Variants in WDR55 observed in about 807,000 individuals in gnomAD.
WDR55 encodes WD repeat-containing protein 55.
Under a neutral mutation model 34.0 loss-of-function variants are expected in WDR55, and 31 were observed. The observed-to-expected ratio is 0.91, with a 90% CI of 0.69 to 1.23. The LOEUF (loss-of-function observed/expected upper bound fraction) is 1.23. Among genes scored for constraint, WDR55 ranks in the 50% most tolerant of loss-of-function variants. The pLI, the probability that WDR55 is intolerant of heterozygous loss-of-function variation, is 0.00. For synonymous variants in WDR55, 164 were observed against 185.9 expected (o/e 0.88, Z 0.96); for missense variants, 440 against 494.6 (o/e 0.89, Z 1.05).
intron 6 of WDR55, 27 bp from the exon 7 acceptor site, chr5:140,669,306 A>G: frequency 6.2e-7 from 1 of 1,611,944 alleles, no homozygotes. Context: ...GCTAGCCAGT[A>G]CTCAACACTG....
intron 1 of WDR55, 87 bp from the exon 2 acceptor site, chr5:140,668,147 G>T: frequency 7.0e-7 from 1 of 1,430,788 alleles, no homozygotes. Context: ...TAGGTAGGTG[G>T]GAAGGCTGCT....
At chr5:140,668,094 A>G in intron 1 of WDR55, 140 bp from the exon 2 acceptor site, 1 of 858,552 alleles carries the variant, frequency 1.2e-6, no homozygotes, top group Non-Finnish European at 1.7e-6. Context: ...GAGAAATGAG[A>G]TGGTAAACTT....
rs1428562499 is a variant in WDR55 at position 140,664,958 on chromosome 5, G to T, written c.46G>T (p.Glu16Ter). ...EERPAEDGSD[E>*]EDPDSMEAPT... ...GAGGCCCGCTGAGGATGGGAGCGACGAGGAGGACCCAGACTCCATGGAAGC... is the reference window on the plus strand; with the variant it reads ...GAGGCCCGCTGAGGATGGGAGCGACTAGGAGGACCCAGACTCCATGGAAGC... The change falls in exon 1 of 7, where the codon GAG becomes TAG. Residue 16 changes from glutamate (E) to a stop codon, truncating the protein, a stop_gained. Coordinates refer to ENST00000358337, the MANE Select transcript of WDR55 (RefSeq NM_017706.5). LOFTEE classifies it high-confidence loss of function. The T allele has an allele frequency of 1.9e-6, 3 of 1,612,610 alleles. No homozygotes were observed. The highest frequency in any genetic ancestry group is 1.7e-6 in the Non-Finnish European group (2 of 1,179,416).
chr5:140,671,791 G>C lies in WDR55; in HGVS notation c.*2137G>C. The C allele has an allele frequency of 6.5e-7, 1 of 1,550,364 alleles. No homozygotes were observed. Among genetic ancestry groups the C allele is most frequent in the African/African-American group, 1.4e-5 (1 of 73,262 alleles). On this transcript the variant is annotated 3_prime_UTR_variant, in exon 7 of 7. Coordinates refer to ENST00000358337, the MANE Select transcript of WDR55 (RefSeq NM_017706.5). ...AAAGACAAGGGCAGGTCTAAACCCT[G>C]GGCCCAAGCCTCCAGGTGGTGAGCC...
chr5:140,671,809 G>A lies in WDR55; in HGVS notation c.*2155G>A. 6.5e-7 allele frequency: 1 copy of A among 1,532,902 alleles called. No homozygotes were observed. The highest frequency in any genetic ancestry group is 8.8e-7 in the Non-Finnish European group (1 of 1,130,468). 95.0% of individuals were successfully genotyped at this position (1,532,902 alleles called of 1,614,324 possible). ...AAACCCTGGGCCCAAGCCTCCAGGT[G>A]GTGAGCCCTTTGGAGCTACACAGTC... On this transcript the variant is annotated 3_prime_UTR_variant, in exon 7 of 7. Coordinates refer to ENST00000358337, the MANE Select transcript of WDR55 (RefSeq NM_017706.5).
intron 1 of WDR55, chr5:140,666,748 A>T: frequency 3.0e-6 from 3 of 985,418 alleles, no homozygotes; most frequent in Non-Finnish European, 3.6e-6. Flanking sequence ...ATTATTGTGT[A>T]CATGTACACA....
Position 140,668,615 on chromosome 5 carries a change from C to T in WDR55, c.384C>T (p.Ala128=). The change falls in exon 4 of 7, where the codon GCC becomes GCT. Residue 128 remains alanine (A), a synonymous_variant. Transcript: ENST00000358337. ...LERRVSKAHG[A]PINSLLLVDE... ...AGTTCTACATCTGTGTCTCTAGTGC[C>T]CCCATCAATAGTCTTCTGCTGGTGG... 1 of 1,613,068 alleles carries T rather than the reference C, an allele frequency of 6.2e-7. No individual in the cohort carries two copies. Among genetic ancestry groups the T allele is most frequent in the Non-Finnish European group, 8.5e-7 (1 of 1,179,366 alleles).
intron 1 of WDR55, among the ~76,000 whole-genome samples, chr5:140,666,183 G>T (rs1481156641): frequency 2.0e-5 from 3 of 151,992 alleles, no homozygotes; most frequent in Non-Finnish European, 4.4e-5. Context: ...ATCACCTGAG[G>T]TCAGGAGTTG....
In WDR55 at chr5:140,664,907, C is replaced by T; in HGVS notation, c.-6C>T. 1 of 1,593,690 alleles carries T rather than the reference C, an allele frequency of 6.3e-7. No individual in the cohort carries two copies. The highest frequency in any genetic ancestry group is 8.5e-7 in the Non-Finnish European group (1 of 1,170,556). ...TGCGGCGGCGCGGCTCGCAGTCCTT[C>T]TCAGCATGGACCGCACTTGTGAGGA... On this transcript the variant is annotated 5_prime_UTR_variant, in exon 1 of 7. Transcript: ENST00000358337.
In WDR55 at chr5:140,671,478, C is replaced by A; in HGVS notation, c.*1824C>A. 1 of 1,604,416 alleles carries A rather than the reference C, an allele frequency of 6.2e-7. No homozygotes were observed. The highest frequency in any genetic ancestry group is 8.5e-7 in the Non-Finnish European group (1 of 1,176,848). On this transcript the variant is annotated 3_prime_UTR_variant, in exon 7 of 7. Transcript: ENST00000358337. ...AAGGGCACCGGATGCCCAGGAATCA[C>A]CACCTGGTACCAGAAGCGGTGCCAG...
chr5:140,666,979 C>T, intron 1 of WDR55: 4 of 985,382 alleles, frequency 4.1e-6, no homozygotes, highest in Non-Finnish European at 4.8e-6. Context: ...TGAATTTAAA[C>T]CTCAACCCCT....
intron 1 of WDR55, among the ~76,000 whole-genome samples, chr5:140,666,327 T>G (rs1004092548): frequency 3.3e-5 from 5 of 151,794 alleles, no homozygotes; most frequent in African/African-American, 1.2e-4. Context: ...ACCTGGGAGG[T>G]GGAGGTGGCA....
At chr5:140,666,918 G>T (rs1315706066) in intron 1 of WDR55, 1 of 985,286 alleles carries the variant, frequency 1.0e-6, no homozygotes, top group Non-Finnish European at 1.2e-6. Flanking sequence ...AAAGATACAG[G>T]TTAGAGGCAG....
In WDR55 at chr5:140,671,921, G is replaced by A. The variant is rs1758086412; in HGVS notation, c.*2267G>A. On this transcript the variant is annotated 3_prime_UTR_variant, in exon 7 of 7. Coordinates refer to ENST00000358337, the MANE Select transcript of WDR55 (RefSeq NM_017706.5). ...GCCTTCAGCCTCCATTATTTGCAAA[G>A]GGAGTATAACACACTGCTACCTTAC... 1 of 753,562 alleles carries A rather than the reference G, an allele frequency of 1.3e-6. No homozygotes were observed. Among genetic ancestry groups the A allele is most frequent in the Non-Finnish European group, 2.2e-6 (1 of 450,300 alleles). The allele number at this position is 753,562 out of a possible 1,614,324, so 46.7% of individuals were successfully genotyped here.
At position 140,665,000 on chromosome 5, in the gene WDR55, G is replaced by A; in HGVS notation, c.88G>A (p.Asp30Asn). ...DSMEAPTRIR[D>N]TPEDIVLEAP... ...CATGGAAGCCCCAACCCGGATCCGG[G>A]ACACTCCGGAAGACATCGTGCTGGA... The change falls in exon 1 of 7, where the codon GAC becomes AAC. Residue 30 changes from aspartate (D) to asparagine (N), a missense_variant. By Grantham distance (23) the Asp-to-Asn change is conservative. Transcript: ENST00000358337. 1.2e-6 allele frequency: 2 copies of A among 1,613,988 alleles called. No homozygotes were observed. The highest frequency in any genetic ancestry group is 1.7e-6 in the Non-Finnish European group (2 of 1,179,952).
At position 140,669,918 on chromosome 5, in the gene WDR55, G is replaced by T. The variant is rs113583260; in HGVS notation, c.*264G>T. The T allele has an allele frequency of 2.0e-3, 736 of 374,224 alleles. 2 individuals carry two copies. The highest frequency in any genetic ancestry group is 4.4e-3 in the Middle Eastern group (6 of 1,356). 23.2% of individuals were successfully genotyped at this position (374,224 alleles called of 1,614,324 possible). A position where few individuals can be genotyped will look rare whatever the true frequency, so the allele number is the denominator to read the frequency against. On this transcript the variant is annotated 3_prime_UTR_variant, in exon 7 of 7. Transcript: ENST00000358337. ...CAATTTTTGTTTTTTTTTTTTGGTA[G>T]AAACGGGTCTGTTTTGCCCAGGCTG...
chr5:140,668,068 A>G, intron 1 of WDR55, 166 bp from the exon 2 acceptor site: 1 of 704,354 alleles, frequency 1.4e-6, no homozygotes, highest in Non-Finnish European at 2.2e-6. Context: ...CTAACATTTC[A>G]AACTCACTGA....
intron 1 of WDR55, 126 bp downstream of exon 1, chr5:140,665,229 C>A: frequency 1.3e-6 from 1 of 776,228 alleles, no homozygotes; most frequent in South Asian, 1.9e-5. Context: ...CCAATTTATT[C>A]AGTAACATTC....
chr5:140,672,317 C>T lies in WDR55; in HGVS notation c.*2663C>T. On this transcript the variant is annotated 3_prime_UTR_variant, in exon 7 of 7. Coordinates refer to ENST00000358337, the MANE Select transcript of WDR55 (RefSeq NM_017706.5). Reference sequence around the variant, plus strand: ...ATTGGAAGTTTTAAAAATCTGAGATCAAATAGTAAAAGGTTGCAAATTCTG... The same window carrying T: ...ATTGGAAGTTTTAAAAATCTGAGATTAAATAGTAAAAGGTTGCAAATTCTG... 1 of 1,028,860 alleles carries T rather than the reference C, an allele frequency of 9.7e-7. No individual in the cohort carries two copies. The highest frequency in any genetic ancestry group is 1.4e-6 in the Non-Finnish European group (1 of 709,780). 63.7% of individuals were successfully genotyped at this position (1,028,860 alleles called of 1,614,324 possible). A position where few individuals can be genotyped will look rare whatever the true frequency, so the allele number is the denominator to read the frequency against.
Sources: allele counts gnomAD v4.1 joint callset (sites outside exome capture counted in the v4.1 genomes callset), GRCh38; gene constraint gnomAD v4.1.1; transcripts MANE v1.5; gene names NCBI Gene and HGNC (gene_info 2026-07-23, HGNC 2026-07-21).